Variants in NRXN1 observed in about 807,000 individuals in gnomAD.
NRXN1 encodes neurexin 1, also known as neurexin-1.
NRXN1 carries 39 observed loss-of-function variants against 150.9 expected under a neutral mutation model. That is an observed-to-expected ratio of 0.26 (90% CI 0.20 to 0.34). The LOEUF is 0.34. Among genes scored for constraint, NRXN1 ranks in the 10% least tolerant of loss-of-function variants. The pLI is 1.00. For synonymous variants in NRXN1, 924 were observed against 757.0 expected (o/e 1.22, Z -3.62); for missense variants, 1,815 against 1,949.9 (o/e 0.93, Z 1.30).
intron 5 of NRXN1, among the ~76,000 whole-genome samples, chr2:50,841,522 C>A (rs1176528044): frequency 1.3e-5 from 2 of 152,178 alleles, no homozygotes; most frequent in Non-Finnish European, 2.9e-5. Flanking sequence ...TTTGCCACTG[C>A]TAAAATCCCT....
intron 12 of NRXN1, among the ~76,000 whole-genome samples, chr2:50,511,234 T>C (rs1046821383): frequency 6.6e-6 from 1 of 152,238 alleles, no homozygotes; most frequent in Non-Finnish European, 1.5e-5. Flanking sequence ...CTAATTTTTG[T>C]ATTTTAATAG....
rs1456802247 is a variant in NRXN1, at chr2:50,620,168, C to G, written c.1174G>C (p.Asp392His). ...TAGCCCGTTGTGGTAAGAATCCCAT[C>G]CACTGATATTGTCACCTAGATAACA... The part of the protein sequence containing the change: ...IGHAMVTISV[D>H]GILTTTGYTQ... Residue 392 changes from aspartate to histidine, a missense_variant, in exon 8 of 23, where the codon GAT becomes CAT. Asp to His is a moderately conservative substitution (Grantham distance 81). Transcript: ENST00000401669. 3.1e-6 allele frequency: 5 copies of G among 1,613,348 alleles called. No individual in the cohort carries two copies. The highest frequency in any genetic ancestry group is 4.2e-6 in the Non-Finnish European group (5 of 1,179,584).
chr2:50,128,428 A>G (rs959096422), intron 18 of NRXN1, among the ~76,000 whole-genome samples: 3 of 152,214 alleles, frequency 2.0e-5, no homozygotes, highest in Non-Finnish European at 4.4e-5. Context: ...ATCAGGAAAC[A>G]TGTGAGTAAA....
intron 5 of NRXN1, chr2:50,632,730 T>C (rs367615389): frequency 2.0e-5 from 3 of 152,068 alleles, no homozygotes; most frequent in Non-Finnish European, 2.9e-5. Context: ...AAATATATAT[T>C]GATATCATGG....
At chr2:50,922,820 C>T (rs912579461) in intron 3 of NRXN1, 133 bp from the exon 4 acceptor site, 1 of 932,204 alleles carries the variant, frequency 1.1e-6, no homozygotes, top group Non-Finnish European at 1.7e-6. Context: ...AGAGGCAAAT[C>T]AAAAAGCATT....
intron 2 of NRXN1, among the ~76,000 whole-genome samples, chr2:50,972,497 G>C (rs1201432275): frequency 1.3e-5 from 2 of 152,158 alleles, no homozygotes; most frequent in East Asian, 1.9e-4. Flanking sequence ...ACTGGGGAGG[G>C]GGGTGGTTTC....
intron 5 of NRXN1, among the ~76,000 whole-genome samples, chr2:50,774,783 T>A (rs1199360270): frequency 1.3e-5 from 2 of 152,104 alleles, no homozygotes; most frequent in African/African-American, 4.8e-5. Flanking sequence ...CACTTGCTTC[T>A]CATCCATAAA....
chr2:49,978,063 G>A (rs1573181685), intron 21 of NRXN1, among the ~76,000 whole-genome samples: 4 of 152,200 alleles, frequency 2.6e-5, no homozygotes, highest in Admixed American at 2.6e-4. Context: ...TTGGGAGGCA[G>A]AGCCAGGAGA....
chr2:50,641,594 G>A (rs996614853), intron 5 of NRXN1, among the ~76,000 whole-genome samples: 1 of 152,000 alleles, frequency 6.6e-6, no homozygotes, highest in African/African-American at 2.4e-5. Flanking sequence ...ATTCTTCCCA[G>A]CAATTCCACT....
chr2:50,379,248 G>A (rs2080764510), intron 17 of NRXN1, among the ~76,000 whole-genome samples: 1 of 152,082 alleles, frequency 6.6e-6, no homozygotes, highest in Non-Finnish European at 1.5e-5. Flanking sequence ...TTCACACATT[G>A]AGTGACCCAG....
At chr2:50,393,267 T>G (rs937034790) in intron 17 of NRXN1, among the ~76,000 whole-genome samples, 1 of 152,146 alleles carries the variant, frequency 6.6e-6, no homozygotes, top group African/African-American at 2.4e-5. Context: ...ACGTCTGTTT[T>G]TCTTATCATA....
intron 2 of NRXN1, among the ~76,000 whole-genome samples, chr2:50,970,851 A>G (rs917953813): frequency 4.6e-5 from 7 of 152,054 alleles, no homozygotes; most frequent in Non-Finnish European, 8.8e-5. Flanking sequence ...GTCTAAAAAG[A>G]ACAACTTGAC....
At chr2:50,350,981 A>G (rs767850096) in intron 17 of NRXN1, among the ~76,000 whole-genome samples, 1 of 152,166 alleles carries the variant, frequency 6.6e-6, no homozygotes, top group Non-Finnish European at 1.5e-5. Context: ...GTTATAAATG[A>G]TTGTAATTTT....
chr2:50,462,723 T>A (rs1472353836), intron 17 of NRXN1, among the ~76,000 whole-genome samples: 3 of 151,878 alleles, frequency 2.0e-5, no homozygotes, highest in Non-Finnish European at 2.9e-5. Flanking sequence ...TGAATAGCAC[T>A]TCTTTTTGAA....
intron 5 of NRXN1, among the ~76,000 whole-genome samples, chr2:50,651,385 A>G (rs1362813742): frequency 1.3e-5 from 2 of 151,922 alleles, no homozygotes; most frequent in African/African-American, 4.8e-5. Context: ...GGCCGAGGCA[A>G]GAGGATCACT....
intron 18 of NRXN1, among the ~76,000 whole-genome samples, chr2:50,216,330 T>C (rs1339890741): frequency 6.6e-6 from 1 of 152,096 alleles, no homozygotes; most frequent in Non-Finnish European, 1.5e-5. Context: ...TGTTATTGTT[T>C]TTTCAAACTT....
At chr2:50,026,682 AT>A (rs1558721005) in intron 21 of NRXN1, among the ~76,000 whole-genome samples, 1 of 151,944 alleles carries the variant, frequency 6.6e-6, no homozygotes, top group Non-Finnish European at 1.5e-5. Context: ...TGAAGTTTTA[AT>A]ATTTTTATCC....
intron 5 of NRXN1, among the ~76,000 whole-genome samples, chr2:50,847,048 C>G (rs1005433671): frequency 6.6e-6 from 1 of 152,002 alleles, no homozygotes; most frequent in Non-Finnish European, 1.5e-5. Flanking sequence ...TCTCTGTAAC[C>G]TTTGCCAAAG....
chr2:50,592,137 T>C (rs1674371481), intron 8 of NRXN1, among the ~76,000 whole-genome samples: 1 of 152,238 alleles, frequency 6.6e-6, no homozygotes, highest in African/African-American at 2.4e-5. Flanking sequence ...CACTATAAAC[T>C]GTGCTTGCTA....
Sources: allele counts gnomAD v4.1 joint callset (sites outside exome capture counted in the v4.1 genomes callset), GRCh38; gene constraint gnomAD v4.1.1; transcripts MANE v1.5; gene names NCBI Gene and HGNC (gene_info 2026-07-23, HGNC 2026-07-21).